KCNT1: variants seen among roughly 807,000 people sequenced by gnomAD.
KCNT1 encodes potassium sodium-activated channel subfamily T member 1, also known as potassium channel subfamily T member 1.
In KCNT1, 78 loss-of-function variants were observed where a neutral mutation model predicts 147.8. That is an observed-to-expected ratio of 0.53 (90% confidence interval 0.44 to 0.64). KCNT1 has a LOEUF of 0.64. KCNT1 is among the 30% of genes least tolerant of loss of function. KCNT1 has a pLI of 0.00. For synonymous variants in KCNT1, 867 were observed against 748.8 expected (o/e 1.16, Z -2.58); for missense variants, 1,419 against 1,750.3 (o/e 0.81, Z 3.38).
intron 19 of KCNT1, among the ~76,000 whole-genome samples, chr9:135,773,763 C>G (rs537101532): frequency 6.6e-6 from 1 of 152,284 alleles, no homozygotes; most frequent in Non-Finnish European, 1.5e-5. Context: ...TGGGAAACAG[C>G]CCTGAACCAT....
chr9:135,785,548 C>T (rs1456027318), intron 28 of KCNT1: 3 of 669,176 alleles, frequency 4.5e-6, no homozygotes, highest in Non-Finnish European at 8.0e-6. Context: ...AAGCTGAGGC[C>T]TGGGGGGAGT....
Position 135,782,990 on chromosome 9 carries a change from G to A in KCNT1, c.2842-1034G>A, listed in dbSNP as rs147426249. Reference sequence around the variant, plus strand: ...TCTGCCTGCTTGTCCTGTCGCTGTCGTGTCTTTTACCTGTGAATCGAGTTC... The same window carrying A: ...TCTGCCTGCTTGTCCTGTCGCTGTCATGTCTTTTACCTGTGAATCGAGTTC... On this transcript the variant is annotated intron_variant, in intron 24 of 30. Coordinates refer to ENST00000371757, the MANE Select transcript of KCNT1 (RefSeq NM_020822.3). 9.8e-5 allele frequency among the ~76,000 whole-genome samples: 15 copies of A among 152,314 alleles called. No homozygotes were observed. The South Asian group carries it at 2.9e-3, about 29-fold the overall frequency.
chr9:135,707,578 G>A (rs543717243), intron 1 of KCNT1, among the ~76,000 whole-genome samples: 110 of 152,194 alleles, frequency 7.2e-4, no homozygotes, highest in Admixed American at 1.6e-3. Flanking sequence ...GGGCACCCAG[G>A]GCCCAGGACC....
intron 1 of KCNT1, among the ~76,000 whole-genome samples, chr9:135,713,579 C>A (rs1481728269): frequency 6.6e-6 from 1 of 152,196 alleles, no homozygotes; most frequent in Non-Finnish European, 1.5e-5. Context: ...TGTGCAGGGC[C>A]TACGGGCACA....
chr9:135,784,492 TC>T, intron 25 of KCNT1, 42 bp from the exon 26 acceptor site: 1 of 138,346 alleles, frequency 7.2e-6, no homozygotes. Context: ...GCTCCCTCCC[TC>T]CCTCCCTCCC....
chr9:135,767,872 AG>A (rs1437044181), intron 13 of KCNT1, among the ~76,000 whole-genome samples: 2 of 152,038 alleles, frequency 1.3e-5, no homozygotes, highest in East Asian at 3.9e-4. Context: ...TGCCCTAGGA[AG>A]CACCATGGGC....
At chr9:135,725,164 G>A (rs1456795331) in intron 2 of KCNT1, among the ~76,000 whole-genome samples, 1 of 151,630 alleles carries the variant, frequency 6.6e-6, no homozygotes, top group Non-Finnish European at 1.5e-5. Flanking sequence ...GAAGGGCGGG[G>A]CCTGTCGAGG....
At chr9:135,739,109 G>A (rs548362502) in intron 2 of KCNT1, among the ~76,000 whole-genome samples, 2 of 151,970 alleles carry the variant, frequency 1.3e-5, no homozygotes, top group African/African-American at 4.8e-5. Context: ...CATCCTCTCC[G>A]GGGCCGTTCC....
At chr9:135,778,390 A>G in intron 21 of KCNT1, 34 bp from the exon 22 acceptor site, 1 of 1,543,492 alleles carries the variant, frequency 6.5e-7, no homozygotes, top group South Asian at 1.2e-5. Flanking sequence ...GCCTTGAAGC[A>G]GGGTGGGCCC....
chr9:135,725,616 T>C (rs567022469), intron 2 of KCNT1, among the ~76,000 whole-genome samples: 48 of 152,204 alleles, frequency 3.2e-4, no homozygotes, highest in African/African-American at 1.2e-3. Flanking sequence ...GTTTGTGGTA[T>C]TGAGCCCCAG....
Position 135,778,677 on chromosome 9 carries a change from C to T in KCNT1, c.2595-11C>T, listed in dbSNP as rs766713810. 1 of 1,613,448 alleles carries T rather than the reference C, an allele frequency of 6.2e-7. No homozygotes were observed. Among genetic ancestry groups the T allele is most frequent in the East Asian group, 2.2e-5 (1 of 44,868 alleles). On this transcript the variant is annotated splice_polypyrimidine_tract_variant and intron_variant, in intron 22 of 30. Coordinates refer to ENST00000371757, the MANE Select transcript of KCNT1 (RefSeq NM_020822.3). ...GCATCCTCAGCCACGGGCCCTCGGT[C>T]CCGCCACCAGCCTGGACAGCCTGCT...
In KCNT1 at chr9:135,789,012, C is replaced by T. The variant is rs960473707; in HGVS notation, c.3502+2491C>T. 2.7e-5 allele frequency: 4 copies of T among 150,848 alleles called. No individual in the cohort carries two copies. The East Asian group carries it at 7.7e-4, about 29-fold the overall frequency. The allele number at this position is 150,848 out of a possible 1,614,324, so 9.3% of individuals were successfully genotyped here. On this transcript the variant is annotated intron_variant, in intron 29 of 30. Coordinates refer to ENST00000371757, the MANE Select transcript of KCNT1 (RefSeq NM_020822.3). ...CCTTGCACCCGGAGGCAGGGCCAGG[C>T]CTGGGGCAGCCACAGAAGTAAAGCG... is the stretch of plus-strand genomic sequence containing the variant.
chr9:135,727,925 G>T (rs575301141), intron 2 of KCNT1, among the ~76,000 whole-genome samples: 1 of 152,390 alleles, frequency 6.6e-6, no homozygotes, highest in Admixed American at 6.5e-5. Context: ...AGATGTTGCA[G>T]TGGGGAGGCC....
intron 4 of KCNT1, among the ~76,000 whole-genome samples, chr9:135,751,607 C>G (rs1831176820): frequency 6.6e-6 from 1 of 152,322 alleles, no homozygotes; most frequent in Admixed American, 6.5e-5. Context: ...CTTGCTCTCT[C>G]TGAGTCCTGT....
chr9:135,766,652 T>TG, intron 13 of KCNT1: 1 of 153,128 alleles, frequency 6.5e-6, no homozygotes, highest in South Asian at 2.1e-4. Context: ...GTGGATTGTC[T>TG]GGGGTAGACT....
chr9:135,702,306 G>A lies in KCNT1; in HGVS notation c.48G>A (p.Glu16=), dbSNP rs1564304686. ...GGACCCCGGGGGGCGTCTGCCGGGA[G>A]GCGCGCGGCGGGGGCTACACCAACC... ...GARTPGGVCR[E]ARGGGYTNRT... The change falls in exon 1 of 31, where the codon GAG becomes GAA. Residue 16 remains glutamate, a synonymous_variant. Coordinates refer to ENST00000371757, the MANE Select transcript of KCNT1 (RefSeq NM_020822.3). The A allele has an allele frequency of 1.2e-6, 2 of 1,610,342 alleles. No individual in the cohort carries two copies. Among genetic ancestry groups the A allele is most frequent in the Admixed American group, 1.7e-5 (1 of 59,914 alleles).
At chr9:135,774,805 G>C (rs923874173) in intron 19 of KCNT1, among the ~76,000 whole-genome samples, 12 of 152,134 alleles carry the variant, frequency 7.9e-5, no homozygotes, top group African/African-American at 2.7e-4. Flanking sequence ...CTGACCATGG[G>C]GGGGTCCTGG....
At position 135,744,047 on chromosome 9, in the gene KCNT1, AGCCAGCCGGCACCCAGCCACT is replaced by A. The variant is rs576739526; in HGVS notation, c.255-6045_255-6025del. Among the ~76,000 whole-genome samples, 62 of 152,284 alleles carry A rather than the reference AGCCAGCCGGCACCCAGCCACT, an allele frequency of 4.1e-4. No individual in the cohort carries two copies. The South Asian group carries it at 0.013, about 31-fold the overall frequency. On this transcript the variant is annotated intron_variant, in intron 2 of 30. Coordinates refer to ENST00000371757, the MANE Select transcript of KCNT1 (RefSeq NM_020822.3). ...TGGAGCTCCCAGGCACCTGCCTAAG[AGCCAGCCGGCACCCAGCCACT>A]GCCAGAGAGAGGCAGCTCGGACCTC...
intron 29 of KCNT1, among the ~76,000 whole-genome samples, chr9:135,787,144 C>T (rs998289780): frequency 3.3e-5 from 5 of 152,226 alleles, no homozygotes; most frequent in Admixed American, 6.5e-5. Flanking sequence ...TGCCTCTGTC[C>T]ACCATGGGCC....
Sources: gnomAD v4.1 joint callset for allele counts (sites outside exome capture counted in the v4.1 genomes callset) on GRCh38, gnomAD v4.1.1 for gene constraint, MANE v1.5 for transcripts, NCBI Gene and HGNC (gene_info 2026-07-23, HGNC 2026-07-21) for gene names.